The following BNIP2 variants were observed in gnomAD, a reference collection of about 807,000 sequenced individuals.
BNIP2 encodes BCL2/adenovirus E1B 19 kDa protein-interacting protein 2.
In BNIP2, 36 loss-of-function variants were observed where a neutral mutation model predicts 43.4. That is an observed-to-expected ratio of 0.83 (90% confidence interval 0.64 to 1.10). The LOEUF (loss-of-function observed/expected upper bound fraction) is 1.10, where lower values mean the gene tolerates loss of function less well. Ranked by LOEUF, BNIP2 falls within the 50% of genes least tolerant of loss-of-function variation. The pLI, the probability that BNIP2 is intolerant of heterozygous loss-of-function variation, is 0.00. For missense variants in BNIP2, 417 were observed against 374.1 expected (o/e 1.11, Z -0.95); for synonymous variants, 146 against 121.0 (o/e 1.21, Z -1.35).
chr15:59,682,674 A>C (rs1345571946), intron 1 of BNIP2, among the ~76,000 whole-genome samples, 160 bp from the exon 2 acceptor site: 4 of 152,034 alleles, frequency 2.6e-5, no homozygotes, highest in Admixed American at 2.0e-4. Flanking sequence ...TTTTTAAAGA[A>C]AAGAGAATAC....
chr15:59,679,265 C>T (rs1893500046), intron 4 of BNIP2: 1 of 195,380 alleles, frequency 5.1e-6, no homozygotes. Flanking sequence ...CAAATGCCTC[C>T]TTTCAGAACT....
intron 4 of BNIP2, chr15:59,678,499 G>A: frequency 9.3e-7 from 1 of 1,069,790 alleles, no homozygotes; most frequent in South Asian, 2.7e-5. Context: ...TTGTTGTTGA[G>A]CACATAAATT....
chr15:59,679,728 T>C lies in BNIP2; in HGVS notation c.159A>G (p.Leu53=). 1 of 1,569,874 alleles carries C rather than the reference T, an allele frequency of 6.4e-7. No homozygotes were observed. The highest frequency in any genetic ancestry group is 8.6e-7 in the Non-Finnish European group (1 of 1,164,816). Residue 53 remains leucine (L), a synonymous_variant, in exon 4 of 10, where the codon CTA becomes CTG. Transcript: ENST00000607373. ...EVNGNKVRKK[L]MAPDISLTLD... is the part of the protein sequence containing the mutation. ...GTGTCAGGCTAATGTCTGGAGCCAT[T>C]AGTTTCTTTCTCACTTTATTTCCAT...
chr15:59,674,695 G>C (rs886880770), intron 5 of BNIP2, among the ~76,000 whole-genome samples: 1 of 152,150 alleles, frequency 6.6e-6, no homozygotes, highest in Non-Finnish European at 1.5e-5. Flanking sequence ...CCTCCGTCCT[G>C]TGTTAGGAGG....
intron 5 of BNIP2, among the ~76,000 whole-genome samples, chr15:59,675,584 G>A (rs949242355): frequency 2.0e-5 from 3 of 152,164 alleles, no homozygotes; most frequent in Admixed American, 6.5e-5. Flanking sequence ...TCCAGCCTGG[G>A]TGACAGAGCA....
chr15:59,668,899 T>G lies in BNIP2; in HGVS notation c.886A>C (p.Ile296Leu). 6.2e-7 allele frequency: 1 copy of G among 1,612,164 alleles called. No homozygotes were observed. The highest frequency in any genetic ancestry group is 8.5e-7 in the Non-Finnish European group (1 of 1,178,462). The change falls in exon 9 of 10, where the codon ATA (isoleucine) becomes CTA (leucine). Residue 296 changes from isoleucine to leucine, a missense_variant. Physicochemically the swap from Ile to Leu is conservative, Grantham distance 5 (BLOSUM62 2). Transcript: ENST00000607373. ...AAATAAAACAAAACATACTGTTTTA[T>G]GCATTCTGGTATGCCAACGTATTCC... ...PMEYVGIPEC[I>L]KQVDQELNGK...
chr15:59,672,135 T>C (rs1300387759), intron 6 of BNIP2: 1 of 152,244 alleles, frequency 6.6e-6, no homozygotes, highest in South Asian at 2.1e-4. Flanking sequence ...AGTTTTAAAA[T>C]GACAATTTTT....
intron 5 of BNIP2, among the ~76,000 whole-genome samples, chr15:59,673,505 G>A (rs374838329): frequency 1.1e-4 from 16 of 152,136 alleles, no homozygotes; most frequent in African/African-American, 3.9e-4. Flanking sequence ...AGCTCATGCA[G>A]CCTTGAACTT....
At chr15:59,665,079 C>A (rs1451728871) in intron 9 of BNIP2, among the ~76,000 whole-genome samples, 2 of 151,886 alleles carry the variant, frequency 1.3e-5, no homozygotes, top group African/African-American at 4.8e-5. Flanking sequence ...GCCTGGCCAA[C>A]ACAGTGAAAC....
At chr15:59,667,824 T>C (rs1892654328) in intron 9 of BNIP2, among the ~76,000 whole-genome samples, 1 of 152,244 alleles carries the variant, frequency 6.6e-6, no homozygotes, top group Non-Finnish European at 1.5e-5. Context: ...TTTTAGTAAT[T>C]TCTCTGGTTT....
intron 1 of BNIP2, among the ~76,000 whole-genome samples, chr15:59,683,675 C>T (rs576307290): frequency 9.2e-5 from 14 of 152,108 alleles, no homozygotes; most frequent in East Asian, 5.8e-4. Context: ...AAACATTAGC[C>T]GGATGTGGTG....
chr15:59,686,455 G>A (rs1325150067), intron 1 of BNIP2, among the ~76,000 whole-genome samples: 1 of 152,140 alleles, frequency 6.6e-6, no homozygotes, highest in East Asian at 1.9e-4. Flanking sequence ...TTTACTATAT[G>A]CAGTTTAATA....
At chr15:59,678,903 G>A in intron 4 of BNIP2, 2 of 1,284,026 alleles carry the variant, frequency 1.6e-6, no homozygotes, top group Middle Eastern at 2.2e-4. Flanking sequence ...TCTTTACAAA[G>A]TATTGCTTAC....
intron 9 of BNIP2, among the ~76,000 whole-genome samples, chr15:59,666,931 T>C (rs1892603787): frequency 2.0e-5 from 3 of 151,976 alleles, no homozygotes; most frequent in Non-Finnish European, 4.4e-5. Context: ...CTTAACAGTA[T>C]TAAAAACTTT....
Position 59,663,021 on chromosome 15 carries a change from C to T in BNIP2, c.*1048G>A, listed in dbSNP as rs1892358798. 6.6e-6 allele frequency: 1 copy of T among 152,588 alleles called. No homozygotes were observed. Among genetic ancestry groups the T allele is most frequent in the Admixed American group, 6.5e-5 (1 of 15,276 alleles). 9.5% of individuals were successfully genotyped at this position (152,588 alleles called of 1,614,324 possible). ...CAGTATTGTCAAACATGATTTCATA[C>T]AAACTTGAATAAACACCACATCTAA... On this transcript the variant is annotated 3_prime_UTR_variant, in exon 10 of 10. Transcript: ENST00000607373.
intron 2 of BNIP2, among the ~76,000 whole-genome samples, chr15:59,681,674 T>C (rs1348643120): frequency 2.6e-5 from 4 of 152,116 alleles, no homozygotes; most frequent in Admixed American, 6.5e-5. Context: ...CTCAAACTCC[T>C]GGCCTCAAGT....
rs1355860046 is a variant in BNIP2, at chr15:59,680,245, C to G, written c.114G>C (p.Gln38His). The change falls in exon 3 of 10, where the codon CAG becomes CAC. Residue 38 changes from glutamine to histidine, a missense_variant. Coordinates refer to ENST00000607373, the MANE Select transcript of BNIP2 (RefSeq NM_004330.4). The part of the protein sequence containing the change: ...DILAITGPED[Q>H]PGSLEVNGNK... ...AAGTAAGTGTCAAGCTCTTACCAGG[C>G]TGGTCCTCTGGTCCAGTTATAGCTA... The G allele has an allele frequency of 1.3e-6, 2 of 1,590,588 alleles. No individual in the cohort carries two copies. The highest frequency in any genetic ancestry group is 2.7e-5 in the African/African-American group (2 of 74,240).
intron 5 of BNIP2, chr15:59,676,826 C>T (rs1445194146): frequency 6.5e-7 from 1 of 1,547,840 alleles, no homozygotes; most frequent in Middle Eastern, 1.7e-4. Context: ...CTACTACTTC[C>T]CTTCCTGCCG....
chr15:59,668,311 T>C (rs1363257441), intron 9 of BNIP2, among the ~76,000 whole-genome samples: 7 of 152,208 alleles, frequency 4.6e-5, no homozygotes, highest in East Asian at 1.9e-4. Context: ...ATACATTAAA[T>C]AGACTAAAAC....
Sources: allele counts gnomAD v4.1 joint callset (sites outside exome capture counted in the v4.1 genomes callset), GRCh38; gene constraint gnomAD v4.1.1; transcripts MANE v1.5; gene names NCBI Gene and HGNC (gene_info 2026-07-23, HGNC 2026-07-21).